CDH23: variants seen among roughly 807,000 people sequenced by gnomAD.
The protein encoded by CDH23 is cadherin related 23.
In CDH23, 189 loss-of-function variants were observed where a neutral mutation model predicts 317.1. The observed-to-expected ratio is 0.60, with a 90% CI of 0.53 to 0.67. CDH23 has a LOEUF of 0.67. Ranked by LOEUF, CDH23 falls within the 30% of genes least tolerant of loss-of-function variation. The pLI, the probability that CDH23 is intolerant of heterozygous loss-of-function variation, is 0.00. For missense variants in CDH23, 4,401 were observed against 4,592.4 expected, an observed-to-expected ratio of 0.96 and a Z score of 1.20; for synonymous variants, 1,839 against 1,876.8, an observed-to-expected ratio of 0.98 and a Z score of 0.52.
At chr10:71,556,651 T>C (rs1001473031) in intron 6 of CDH23, among the ~76,000 whole-genome samples, 3 of 151,806 alleles carry the variant, frequency 2.0e-5, no homozygotes, top group Non-Finnish European at 2.9e-5. Context: ...AGGGAAAAAC[T>C]GTTTTTAATT....
chr10:71,609,144 G>A (rs958628554), intron 9 of CDH23, among the ~76,000 whole-genome samples: 1 of 151,968 alleles, frequency 6.6e-6, no homozygotes, highest in South Asian at 2.1e-4. Context: ...GGGCGTGAAG[G>A]GGGGTAGCCT....
At position 71,814,971 on chromosome 10, in the gene CDH23, A is replaced by C. The variant is rs140463385; in HGVS notation, c.9758A>C (p.Asp3253Ala). 1.8e-3 allele frequency: 2,823 copies of C among 1,611,996 alleles called. 26 individuals are homozygous for C. The highest frequency in any genetic ancestry group is 0.014 in the African/African-American group (1,028 of 75,044). The stretch of plus-strand genomic sequence containing the variant: ...TTGCAGCTGATACAGACTGAGCTGG[A>C]CGAGGAGCCAGGAGACCACAGCCCA... ...SISELIQTEL[D>A]EEPGDHSPGQ... Residue 3253 changes from aspartate (D) to alanine (A), a missense_variant, in exon 70 of 70, where the codon GAC becomes GCC. Asp to Ala is a moderately radical substitution (Grantham distance 126, BLOSUM62 -2). Around this residue, in one of 3 missense-constraint regions of CDH23, gnomAD observed 1,144 missense variants for 1,138.2 expected, o/e 1.01. Coordinates refer to ENST00000224721, the MANE Select transcript of CDH23 (RefSeq NM_022124.6).
At chr10:71,555,479 G>C (rs971264142) in intron 6 of CDH23, among the ~76,000 whole-genome samples, 1 of 152,326 alleles carries the variant, frequency 6.6e-6, no homozygotes, top group South Asian at 2.1e-4. Context: ...TTGATCCTTT[G>C]TATGTGGGCC....
At chr10:71,639,541 C>T (rs980106407) in intron 11 of CDH23, among the ~76,000 whole-genome samples, 3 of 152,162 alleles carry the variant, frequency 2.0e-5, no homozygotes, top group Non-Finnish European at 4.4e-5. Context: ...GTGGGAAGGC[C>T]AGGAGAGCTG....
chr10:71,485,574 C>T (rs1323990039), intron 3 of CDH23, among the ~76,000 whole-genome samples: 1 of 152,272 alleles, frequency 6.6e-6, no homozygotes, highest in African/African-American at 2.4e-5. Context: ...CCTTCCATCT[C>T]ATTGGCCAGA....
intron 6 of CDH23, among the ~76,000 whole-genome samples, chr10:71,523,159 C>T (rs1327204613): frequency 6.6e-6 from 1 of 152,104 alleles, no homozygotes; most frequent in African/African-American, 2.4e-5. Flanking sequence ...TCCAAGATGA[C>T]CTTTATTGTG....
At chr10:71,687,861 A>C in intron 19 of CDH23, 142 bp downstream of exon 19, 1 of 772,994 alleles carries the variant, frequency 1.3e-6, no homozygotes, top group Non-Finnish European at 2.2e-6. Flanking sequence ...GCTCCTTGAC[A>C]AATCGGGGAG....
intron 9 of CDH23, among the ~76,000 whole-genome samples, chr10:71,592,613 T>C (rs1396139207): frequency 6.6e-6 from 1 of 152,104 alleles, no homozygotes; most frequent in African/African-American, 2.4e-5. Flanking sequence ...TCCCCCTGCC[T>C]CCCTCTAATG....
At chr10:71,398,395 T>G (rs1589256168) in intron 1 of CDH23, among the ~76,000 whole-genome samples, 2 of 151,528 alleles carry the variant, frequency 1.3e-5, no homozygotes, top group South Asian at 4.2e-4. Flanking sequence ...CCAACCCTAA[T>G]TTGGATTTTG....
chr10:71,723,964 G>A (rs1309909819), intron 28 of CDH23, 81 bp from the exon 29 acceptor site: 1 of 1,484,914 alleles, frequency 6.7e-7, no homozygotes, highest in African/African-American at 1.4e-5. Context: ...ATGCGTGAAG[G>A]GAAGGAAAGG....
intron 55 of CDH23, 107 bp downstream of exon 55, chr10:71,803,527 G>C: frequency 9.9e-7 from 1 of 1,008,782 alleles, no homozygotes; most frequent in East Asian, 2.6e-5. Flanking sequence ...TTGGCTTCAG[G>C]AAAGTAGCTC....
intron 20 of CDH23, among the ~76,000 whole-genome samples, chr10:71,692,363 G>A (rs978848006): frequency 1.1e-4 from 16 of 152,268 alleles, no homozygotes; most frequent in African/African-American, 3.9e-4. Context: ...GCCTTAACAC[G>A]ACTTTGTCTC....
At chr10:71,439,382 G>A (rs553697204) in intron 1 of CDH23, among the ~76,000 whole-genome samples, 3 of 152,330 alleles carry the variant, frequency 2.0e-5, no homozygotes, top group East Asian at 1.9e-4. Flanking sequence ...CTGTTAGACC[G>A]CTGTCTTCCC....
intron 6 of CDH23, among the ~76,000 whole-genome samples, chr10:71,566,359 G>T (rs1857398295): frequency 6.6e-6 from 1 of 152,072 alleles, no homozygotes; most frequent in Non-Finnish European, 1.5e-5. Flanking sequence ...GTCTGTGAAG[G>T]GCTGCCAGGA....
intron 38 of CDH23, among the ~76,000 whole-genome samples, chr10:71,767,060 G>A (rs1281780265): frequency 6.6e-6 from 1 of 152,208 alleles, no homozygotes. Flanking sequence ...GTTCCATCAG[G>A]GGCATCTGCT....
intron 11 of CDH23, among the ~76,000 whole-genome samples, chr10:71,638,150 C>T (rs889124332): frequency 6.6e-6 from 1 of 152,118 alleles, no homozygotes; most frequent in Admixed American, 6.5e-5. Context: ...TGCTTACCCT[C>T]CCCACTTCAC....
At position 71,687,723 on chromosome 10, in the gene CDH23, C is replaced by G. The variant is rs751678635; in HGVS notation, c.2059+4C>G. ...GTGGTGGAGAACATCATGGCAGGTA[C>G]AGGCTCAGGTCGGGGGGTGGGGGGC... is the stretch of plus-strand genomic sequence containing the variant. On this transcript the variant is annotated splice_donor_region_variant and intron_variant, in intron 19 of 69. Transcript: ENST00000224721. The G allele has an allele frequency of 3.0e-5, 49 of 1,613,330 alleles. No individual in the cohort carries two copies. In the South Asian group the frequency reaches 5.4e-4, roughly 18 times the overall value.
chr10:71,508,922 G>A (rs927395205), intron 3 of CDH23, among the ~76,000 whole-genome samples: 2 of 152,230 alleles, frequency 1.3e-5, no homozygotes, highest in Non-Finnish European at 2.9e-5. Context: ...TTTAGCACAT[G>A]TGCTGGGAAA....
chr10:71,653,954 C>T (rs1253481130), intron 14 of CDH23, among the ~76,000 whole-genome samples: 1 of 152,138 alleles, frequency 6.6e-6, no homozygotes, highest in Admixed American at 6.5e-5. Context: ...TCTCTTGGTT[C>T]CTAGATTTTC....
Sources: gnomAD v4.1 joint callset for allele counts (sites outside exome capture counted in the v4.1 genomes callset) on GRCh38, gnomAD v4.1.1 for gene constraint, gnomAD v4.1.1 regional missense constraint, MANE v1.5 for transcripts, NCBI Gene and HGNC (gene_info 2026-07-23, HGNC 2026-07-21) for gene names.